Variants in SPOCK3 observed in about 807,000 individuals in gnomAD.
SPOCK3 encodes the protein testican-3.
In SPOCK3, 30 loss-of-function variants were observed where a neutral mutation model predicts 56.6. The ratio of observed to expected loss-of-function variants is 0.53; its 90% confidence interval spans 0.40 to 0.72. The LOEUF is 0.72. Ranked by LOEUF, SPOCK3 falls within the 30% of genes least tolerant of loss-of-function variation. The pLI, the probability that SPOCK3 is intolerant of heterozygous loss-of-function variation, is 0.00. For missense variants in SPOCK3, 527 were observed against 530.0 expected (o/e 0.99, Z 0.06); for synonymous variants, 196 against 183.3 (o/e 1.07, Z -0.56).
intron 6 of SPOCK3, among the ~76,000 whole-genome samples, chr4:166,860,802 C>CATATATATATATATATATGTATAT: frequency 9.8e-6 from 1 of 101,938 alleles, no homozygotes; most frequent in Non-Finnish European, 2.0e-5. Flanking sequence ...CACACAAATT[C>CATATATATATATATATATGTATAT]ATATATATAT....
intron 2 of SPOCK3, among the ~76,000 whole-genome samples, chr4:167,174,072 C>T (rs146847502): frequency 1.5e-3 from 227 of 152,118 alleles, no homozygotes; most frequent in African/African-American, 5.4e-3. Flanking sequence ...TTTTTAATAG[C>T]TTCAGAAATG....
At chr4:167,129,677 CAT>C (rs1762553815) in intron 2 of SPOCK3, among the ~76,000 whole-genome samples, 1 of 151,936 alleles carries the variant, frequency 6.6e-6, no homozygotes, top group African/African-American at 2.4e-5. Context: ...AATCATAAAA[CAT>C]GTAGTCAGCA....
intron 5 of SPOCK3, among the ~76,000 whole-genome samples, chr4:166,900,859 A>G (rs1016616840): frequency 5.9e-5 from 9 of 152,148 alleles, no homozygotes; most frequent in African/African-American, 2.2e-4. Flanking sequence ...GAAGGGGAAC[A>G]ACAACAGGTA....
intron 5 of SPOCK3, among the ~76,000 whole-genome samples, chr4:166,902,093 A>G (rs1487869295): frequency 2.6e-5 from 4 of 152,174 alleles, no homozygotes; most frequent in Non-Finnish European, 5.9e-5. Flanking sequence ...AAGGATGTTT[A>G]TGTAGCAAAC....
chr4:167,042,351 A>C (rs1753305495), intron 3 of SPOCK3, among the ~76,000 whole-genome samples: 1 of 152,196 alleles, frequency 6.6e-6, no homozygotes, highest in Non-Finnish European at 1.5e-5. Flanking sequence ...ACTGAATTAG[A>C]GGAACAGAAA....
intron 6 of SPOCK3, among the ~76,000 whole-genome samples, chr4:166,875,220 G>A (rs1732952158): frequency 6.6e-6 from 1 of 152,012 alleles, no homozygotes; most frequent in Non-Finnish European, 1.5e-5. Context: ...CTGAAACTAT[G>A]TATTATTAAA....
At chr4:167,161,545 T>C (rs1170112915) in intron 2 of SPOCK3, among the ~76,000 whole-genome samples, 1 of 152,150 alleles carries the variant, frequency 6.6e-6, no homozygotes, top group Non-Finnish European at 1.5e-5. Flanking sequence ...ACTGGGTATA[T>C]ACCCAAAGGA....
chr4:167,125,711 T>C (rs745536094), intron 2 of SPOCK3, among the ~76,000 whole-genome samples: 4 of 151,932 alleles, frequency 2.6e-5, no homozygotes, highest in South Asian at 2.1e-4. Context: ...GGAGACTCCG[T>C]CTCAAAAAAA....
At chr4:167,168,772 G>T (rs114424731) in intron 2 of SPOCK3, among the ~76,000 whole-genome samples, 3,988 of 152,202 alleles carry the variant, frequency 0.026, 84 homozygotes, top group South Asian at 0.046. Flanking sequence ...TGGGAATAAT[G>T]TCTTGGCAGA....
chr4:167,209,953 A>T (rs1458122109), intron 2 of SPOCK3, among the ~76,000 whole-genome samples: 1 of 152,166 alleles, frequency 6.6e-6, no homozygotes, highest in Non-Finnish European at 1.5e-5. Context: ...GGACATCACA[A>T]GTTGTTCAGG....
chr4:167,214,670 C>T (rs1735194813), intron 2 of SPOCK3, among the ~76,000 whole-genome samples: 2 of 152,066 alleles, frequency 1.3e-5, no homozygotes, highest in African/African-American at 4.8e-5. Flanking sequence ...TAATTTTACA[C>T]ACAGAGAATG....
chr4:166,890,508 T>A (rs1037113142), intron 5 of SPOCK3, among the ~76,000 whole-genome samples: 1 of 152,038 alleles, frequency 6.6e-6, no homozygotes, highest in African/African-American at 2.4e-5. Flanking sequence ...TGACACATGA[T>A]ATTTTCATTT....
intron 2 of SPOCK3, among the ~76,000 whole-genome samples, chr4:167,199,575 T>C (rs1040666839): frequency 2.0e-5 from 3 of 151,946 alleles, no homozygotes; most frequent in African/African-American, 4.8e-5. Context: ...CTTCTTCCTC[T>C]ACTCAGTTCT....
At chr4:166,882,901 T>C (rs760458890) in intron 6 of SPOCK3, 10 of 152,208 alleles carry the variant, frequency 6.6e-5, no homozygotes, top group Non-Finnish European at 1.3e-4. Context: ...TAAATAATTA[T>C]GCAACACTTG....
intron 3 of SPOCK3, among the ~76,000 whole-genome samples, chr4:167,012,731 T>C (rs1750211409): frequency 6.6e-6 from 1 of 152,008 alleles, no homozygotes; most frequent in South Asian, 2.1e-4. Context: ...TCACAAAAAA[T>C]GAAGTGACCA....
At chr4:166,932,374 T>C (rs1739888157) in intron 4 of SPOCK3, among the ~76,000 whole-genome samples, 1 of 152,204 alleles carries the variant, frequency 6.6e-6, no homozygotes, top group South Asian at 2.1e-4. Flanking sequence ...AGTGGTCAGA[T>C]ATCCTTCACA....
chr4:167,111,762 C>CT lies in SPOCK3; in HGVS notation c.190-49226dup, dbSNP rs3082401. On this transcript the variant is annotated intron_variant, in intron 2 of 10. Coordinates refer to ENST00000357545, the MANE Select transcript of SPOCK3 (RefSeq NM_001040159.2). ...TAGTGCCACTAGCTTAAAAGTAGCACTTTTTTTTTTTTTGAGACAAGGTCT... is the reference window on the plus strand; with the variant it reads ...TAGTGCCACTAGCTTAAAAGTAGCACTTTTTTTTTTTTTTGAGACAAGGTCT... 7.7e-3 allele frequency among the ~76,000 whole-genome samples: 1,124 copies of CT among 145,678 alleles called. 4 individuals carry two copies. Among genetic ancestry groups the CT allele is most frequent in the Middle Eastern group, 0.025 (7 of 278 alleles).
intron 3 of SPOCK3, among the ~76,000 whole-genome samples, chr4:167,054,332 G>A (rs1443796107): frequency 6.6e-6 from 1 of 152,186 alleles, no homozygotes; most frequent in Non-Finnish European, 1.5e-5. Context: ...GAAAGCTACA[G>A]CATATTCATC....
At chr4:167,091,374 A>G (rs965350056) in intron 2 of SPOCK3, among the ~76,000 whole-genome samples, 1 of 152,216 alleles carries the variant, frequency 6.6e-6, no homozygotes, top group Non-Finnish European at 1.5e-5. Flanking sequence ...GAAGATCAGC[A>G]TGGAATTACG....
Sources: allele counts gnomAD v4.1 joint callset (sites outside exome capture counted in the v4.1 genomes callset), GRCh38; gene constraint gnomAD v4.1.1; transcripts MANE v1.5; gene names NCBI Gene and HGNC (gene_info 2026-07-23, HGNC 2026-07-21).